The following RBMS3 variants were observed in gnomAD, a reference collection of about 807,000 sequenced individuals.
RBMS3 encodes RNA binding motif single stranded interacting protein 3.
RBMS3 carries 27 observed loss-of-function variants against 66.8 expected under a neutral mutation model. That is an observed-to-expected ratio of 0.40 (90% confidence interval 0.30 to 0.56). The LOEUF (loss-of-function observed/expected upper bound fraction) is 0.56. Ranked by LOEUF, RBMS3 falls within the 20% of genes least tolerant of loss-of-function variation. The pLI is 0.40. For synonymous variants in RBMS3, 188 were observed against 183.0 expected, an observed-to-expected ratio of 1.03 and a Z score of -0.22; for missense variants, 513 against 549.5, an observed-to-expected ratio of 0.93 and a Z score of 0.66.
intron 4 of RBMS3, among the ~76,000 whole-genome samples, chr3:29,725,903 C>G (rs148267675): frequency 0.06 from 9,106 of 152,028 alleles, 887 homozygotes; most frequent in African/African-American, 0.21. Flanking sequence ...AGAGACACAA[C>G]AAAAAAGAAA....
chr3:29,990,404 A>G (rs554933960), intron 13 of RBMS3, among the ~76,000 whole-genome samples: 7 of 145,172 alleles, frequency 4.8e-5, no homozygotes, highest in Admixed American at 2.1e-4. Context: ...TTCCAAAAAT[A>G]TATTCCTGAT....
intron 2 of RBMS3, among the ~76,000 whole-genome samples, chr3:29,477,487 A>C (rs1328404647): frequency 6.6e-6 from 1 of 152,196 alleles, no homozygotes; most frequent in Non-Finnish European, 1.5e-5. Context: ...AAACAAAATT[A>C]TGCTCTGCTC....
chr3:29,615,312 C>CTTG (rs1478874953), intron 4 of RBMS3: 4 of 152,152 alleles, frequency 2.6e-5, no homozygotes, highest in Non-Finnish European at 5.9e-5. Flanking sequence ...AATTAGAATA[C>CTTG]TTGGGTTCAG....
At position 29,991,132 on chromosome 3, in the gene RBMS3, C is replaced by T. The variant is rs1003748400; in HGVS notation, c.1230C>T (p.Asp410=). Residue 410 remains aspartate (D), a synonymous_variant, in exon 14 of 15, where the codon GAC becomes GAT. Coordinates refer to ENST00000383767, the MANE Select transcript of RBMS3 (RefSeq NM_001003793.3). The part of the protein sequence containing the change: ...SPQTVAPSSQ[D]TSGQQQQIAV... Reference sequence around the variant, plus strand: ...AGACAGTGGCACCTTCATCCCAGGACACCAGTGGTCAGCAGCAACAGATAG... The same window carrying T: ...AGACAGTGGCACCTTCATCCCAGGATACCAGTGGTCAGCAGCAACAGATAG... The T allele has an allele frequency of 6.2e-7, 1 of 1,614,138 alleles. No homozygotes were observed. The highest frequency in any genetic ancestry group is 1.7e-5 in the Admixed American group (1 of 60,018).
chr3:29,945,598 A>G (rs1163688563), intron 12 of RBMS3, among the ~76,000 whole-genome samples: 16 of 151,760 alleles, frequency 1.1e-4, no homozygotes, highest in Admixed American at 1.1e-3. Flanking sequence ...TTGTTTAACA[A>G]GATACATCTA....
At chr3:29,715,365 A>G (rs1297618626) in intron 4 of RBMS3, among the ~76,000 whole-genome samples, 1 of 152,124 alleles carries the variant, frequency 6.6e-6, no homozygotes, top group Non-Finnish European at 1.5e-5. Flanking sequence ...GAAACTGGTT[A>G]AGTTAGTAAA....
At chr3:29,411,249 G>A (rs2040254053) in intron 1 of RBMS3, among the ~76,000 whole-genome samples, 1 of 152,150 alleles carries the variant, frequency 6.6e-6, no homozygotes. Context: ...TGGCATAAAA[G>A]TAATGGTAAT....
intron 3 of RBMS3, among the ~76,000 whole-genome samples, chr3:29,566,659 G>A (rs1324553175): frequency 1.3e-5 from 2 of 150,582 alleles, no homozygotes; most frequent in Admixed American, 1.3e-4. Context: ...AAAAAATTAG[G>A]GAAAAAGAGT....
chr3:29,325,014 A>T (rs1175106995), intron 1 of RBMS3, among the ~76,000 whole-genome samples: 1 of 151,336 alleles, frequency 6.6e-6, no homozygotes, highest in African/African-American at 2.5e-5. Context: ...GAATTGCTGC[A>T]TTCTTTGTAA....
chr3:29,869,943 A>G (rs1045656787), intron 7 of RBMS3, among the ~76,000 whole-genome samples: 10 of 152,180 alleles, frequency 6.6e-5, no homozygotes, highest in Non-Finnish European at 1.5e-5. Context: ...AATTTTTCTC[A>G]GCAAATCCTT....
intron 10 of RBMS3, among the ~76,000 whole-genome samples, chr3:29,903,438 A>C (rs1293451096): frequency 6.6e-6 from 1 of 152,028 alleles, no homozygotes; most frequent in African/African-American, 2.4e-5. Flanking sequence ...ACAGACGTCT[A>C]TACTGCATGC....
intron 3 of RBMS3, among the ~76,000 whole-genome samples, chr3:29,508,829 G>T (rs545944480): frequency 4.3e-5 from 4 of 93,154 alleles, no homozygotes; most frequent in African/African-American, 8.5e-5. Flanking sequence ...GTGTAAAACC[G>T]TTCCTATTTC....
intron 12 of RBMS3, among the ~76,000 whole-genome samples, chr3:29,958,950 G>T (rs922620908): frequency 6.6e-6 from 1 of 152,178 alleles, no homozygotes; most frequent in Non-Finnish European, 1.5e-5. Context: ...TCTGCAGTGA[G>T]TTCCCTTTAC....
chr3:29,362,220 G>C (rs1168616532), intron 1 of RBMS3, among the ~76,000 whole-genome samples: 2 of 152,172 alleles, frequency 1.3e-5, no homozygotes, highest in Non-Finnish European at 2.9e-5. Flanking sequence ...GTACACATGG[G>C]GTTTTGGTGT....
chr3:29,542,075 T>C (rs1576172234), intron 3 of RBMS3, among the ~76,000 whole-genome samples: 1 of 152,338 alleles, frequency 6.6e-6, no homozygotes, highest in South Asian at 2.1e-4. Flanking sequence ...CACTGTCATG[T>C]AAGTTCTATG....
chr3:29,771,053 A>C (rs916041991), intron 6 of RBMS3, among the ~76,000 whole-genome samples: 5 of 152,026 alleles, frequency 3.3e-5, no homozygotes, highest in Non-Finnish European at 5.9e-5. Context: ...AAAAGTCTGC[A>C]AAACATAAGA....
intron 6 of RBMS3, among the ~76,000 whole-genome samples, chr3:29,834,271 A>T (rs1035592382): frequency 1.3e-5 from 2 of 152,132 alleles, no homozygotes; most frequent in Non-Finnish European, 2.9e-5. Flanking sequence ...ACTCACCAGT[A>T]AAAGTAAATA....
At chr3:29,842,935 T>C (rs1276444698) in intron 6 of RBMS3, among the ~76,000 whole-genome samples, 1 of 152,208 alleles carries the variant, frequency 6.6e-6, no homozygotes, top group Non-Finnish European at 1.5e-5. Context: ...AATTTCAGAA[T>C]TCTGACCTCC....
chr3:29,755,770 T>A (rs569968950), intron 5 of RBMS3, among the ~76,000 whole-genome samples: 1 of 152,274 alleles, frequency 6.6e-6, no homozygotes, highest in African/African-American at 2.4e-5. Flanking sequence ...TCTTGCCTTT[T>A]GAAGTTCTTT....
Sources: allele counts gnomAD v4.1 joint callset (sites outside exome capture counted in the v4.1 genomes callset), GRCh38; gene constraint gnomAD v4.1.1; transcripts MANE v1.5; gene names NCBI Gene and HGNC (gene_info 2026-07-23, HGNC 2026-07-21).